ZNF407: variants seen among roughly 807,000 people sequenced by gnomAD.
The protein encoded by ZNF407 is zinc finger protein 407.
Under a neutral mutation model 131.2 loss-of-function variants are expected in ZNF407, and 17 were observed. That is an observed-to-expected ratio of 0.13 (90% CI 0.09 to 0.19). The LOEUF (loss-of-function observed/expected upper bound fraction) is 0.19, where lower values mean the gene tolerates loss of function less well. Among genes scored for constraint, ZNF407 ranks in the 10% least tolerant of loss-of-function variants. The pLI is 1.00. For synonymous variants in ZNF407, 1,156 were observed against 1,062.0 expected, an observed-to-expected ratio of 1.09 and a Z score of -1.72; for missense variants, 2,681 against 2,830.6, an observed-to-expected ratio of 0.95 and a Z score of 1.20.
intron 3 of ZNF407, among the ~76,000 whole-genome samples, chr18:74,751,836 G>A (rs1212577923): frequency 6.6e-6 from 1 of 152,202 alleles, no homozygotes; most frequent in African/African-American, 2.4e-5. Context: ...AGACATACAT[G>A]TGCGTGTGTC....
intron 8 of ZNF407, among the ~76,000 whole-genome samples, chr18:74,939,784 C>T (rs1258240108): frequency 6.6e-6 from 1 of 152,134 alleles, no homozygotes; most frequent in Non-Finnish European, 1.5e-5. Context: ...TTCTCAAGAC[C>T]TCACTGATAG....
intron 4 of ZNF407, among the ~76,000 whole-genome samples, chr18:74,860,860 A>G (rs554779332): frequency 5.0e-4 from 76 of 152,192 alleles, no homozygotes; most frequent in Non-Finnish European, 1.1e-3. Context: ...AGCTGTAAAA[A>G]TAGTAACACT....
At chr18:74,755,733 CTTT>C (rs1968928552) in intron 3 of ZNF407, among the ~76,000 whole-genome samples, 2 of 90,908 alleles carry the variant, frequency 2.2e-5, no homozygotes, top group South Asian at 4.3e-4. Context: ...TCTTTCCTTT[CTTT>C]CTTTCTTTCT....
intron 8 of ZNF407, among the ~76,000 whole-genome samples, chr18:75,061,077 C>T (rs1005390860): frequency 6.6e-6 from 1 of 152,206 alleles, no homozygotes; most frequent in African/African-American, 2.4e-5. Context: ...GAAAGAAATG[C>T]TTTCTTGCAG....
intron 8 of ZNF407, among the ~76,000 whole-genome samples, chr18:75,007,184 AT>A (rs1972920721): frequency 2.0e-5 from 3 of 151,652 alleles, no homozygotes; most frequent in Non-Finnish European, 4.4e-5. Flanking sequence ...TACTGTTAGT[AT>A]TTTTTATTTA....
At chr18:74,953,827 A>T (rs1212306250) in intron 8 of ZNF407, among the ~76,000 whole-genome samples, 2 of 152,096 alleles carry the variant, frequency 1.3e-5, no homozygotes, top group Non-Finnish European at 2.9e-5. Flanking sequence ...TTTGTTTTTG[A>T]TAGGCTTCAC....
intron 3 of ZNF407, among the ~76,000 whole-genome samples, chr18:74,716,963 TATGTG>T (rs1369262877): frequency 6.6e-6 from 1 of 152,204 alleles, no homozygotes; most frequent in East Asian, 1.9e-4. Context: ...TAATCGCAAA[TATGTG>T]TACCATGTGT....
Position 74,773,919 on chromosome 18 carries a change from C to T in ZNF407, c.4803-7509C>T, listed in dbSNP as rs565472106. The stretch of plus-strand genomic sequence containing the variant: ...CCCAGGTCTTGCTTTATAAACACCA[C>T]TACCTACTATAAGAAACCAGGACTG... On this transcript the variant is annotated intron_variant, in intron 3 of 8. Coordinates refer to ENST00000299687, the MANE Select transcript of ZNF407 (RefSeq NM_017757.3). Among the ~76,000 whole-genome samples the T allele has an allele frequency of 5.9e-5, 9 of 152,328 alleles. No individual in the cohort carries two copies. In the South Asian group the frequency reaches 1.9e-3, roughly 32 times the overall value.
At chr18:74,688,694 T>G (rs529799015) in intron 3 of ZNF407, among the ~76,000 whole-genome samples, 1 of 152,336 alleles carries the variant, frequency 6.6e-6, no homozygotes, top group African/African-American at 2.4e-5. Flanking sequence ...AGTTAATTTT[T>G]GAAAATGTTG....
intron 7 of ZNF407, chr18:74,906,073 C>T (rs956684834): frequency 5.9e-5 from 9 of 153,210 alleles, no homozygotes; most frequent in African/African-American, 2.2e-4. Flanking sequence ...GAGTCAGAGT[C>T]TTGCCACCAT....
chr18:74,780,872 C>G (rs892392939), intron 3 of ZNF407, among the ~76,000 whole-genome samples: 1 of 151,920 alleles, frequency 6.6e-6, no homozygotes, highest in Admixed American at 6.5e-5. Flanking sequence ...TCAGGTAATA[C>G]TTTTTGTTTG....
chr18:75,004,694 G>A (rs1160378636), intron 8 of ZNF407, among the ~76,000 whole-genome samples: 3 of 152,132 alleles, frequency 2.0e-5, no homozygotes, highest in African/African-American at 7.2e-5. Flanking sequence ...CTAATACTTG[G>A]TGTGCAAAAT....
intron 4 of ZNF407, among the ~76,000 whole-genome samples, chr18:74,874,868 G>T (rs543541274): frequency 2.0e-5 from 3 of 152,276 alleles, no homozygotes; most frequent in African/African-American, 4.8e-5. Flanking sequence ...GGAACAGTGT[G>T]TTGGGGACAG....
At chr18:74,688,931 C>T (rs1967157913) in intron 3 of ZNF407, among the ~76,000 whole-genome samples, 1 of 152,068 alleles carries the variant, frequency 6.6e-6, no homozygotes. Flanking sequence ...TGGGTTCAAG[C>T]GATTCTCCTG....
chr18:74,986,110 T>C (rs184071636), intron 8 of ZNF407, among the ~76,000 whole-genome samples: 18 of 152,314 alleles, frequency 1.2e-4, no homozygotes, highest in African/African-American at 4.3e-4. Context: ...TGGCACTCAT[T>C]GTATGCAGAC....
intron 3 of ZNF407, among the ~76,000 whole-genome samples, chr18:74,737,115 GC>G (rs1287891525): frequency 6.6e-6 from 1 of 152,156 alleles, no homozygotes; most frequent in African/African-American, 2.4e-5. Context: ...TGTACGATGA[GC>G]TTGCACAAGC....
chr18:75,058,780 C>A (rs1038288521), intron 8 of ZNF407, among the ~76,000 whole-genome samples: 4 of 152,218 alleles, frequency 2.6e-5, no homozygotes, highest in African/African-American at 7.2e-5. Context: ...CCAGTACATT[C>A]TTGGTCATAG....
chr18:74,934,031 A>G (rs1972011859), intron 8 of ZNF407, among the ~76,000 whole-genome samples: 1 of 152,190 alleles, frequency 6.6e-6, no homozygotes, highest in Non-Finnish European at 1.5e-5. Flanking sequence ...ACTAGATAAA[A>G]TAGCATTTTT....
intron 1 of ZNF407, among the ~76,000 whole-genome samples, chr18:74,626,356 C>T (rs897215473): frequency 2.0e-5 from 3 of 152,196 alleles, no homozygotes; most frequent in African/African-American, 4.8e-5. Flanking sequence ...CAGTATCAAT[C>T]ATTGATATTT....
Sources: allele counts gnomAD v4.1 joint callset (sites outside exome capture counted in the v4.1 genomes callset), GRCh38; gene constraint gnomAD v4.1.1; transcripts MANE v1.5; gene names NCBI Gene and HGNC (gene_info 2026-07-23, HGNC 2026-07-21).